The following ERLEC1 variants were observed in gnomAD, a reference collection of about 807,000 sequenced individuals.
ERLEC1 encodes endoplasmic reticulum lectin 1.
A neutral mutation model predicts 68.0 loss-of-function variants in ERLEC1; 47 were observed. The ratio of observed to expected loss-of-function variants is 0.69; its 90% confidence interval spans 0.55 to 0.88. The LOEUF (loss-of-function observed/expected upper bound fraction) is 0.88, where lower values mean the gene tolerates loss of function less well. Ranked by LOEUF, ERLEC1 falls within the 40% of genes least tolerant of loss-of-function variation. ERLEC1 has a pLI of 0.00. For missense variants in ERLEC1, 567 were observed against 583.8 expected, an observed-to-expected ratio of 0.97 and a Z score of 0.30; for synonymous variants, 225 against 203.2, an observed-to-expected ratio of 1.11 and a Z score of -0.91.
Position 53,787,128 on chromosome 2 carries a change from T to C in ERLEC1, c.-83T>C. On this transcript the variant is annotated 5_prime_UTR_variant, in exon 1 of 14. Transcript: ENST00000185150. ...CCGGGCGCTTTATAGTCCCGCCGCC[T>C]CCTCCTCCACCTCCTCCTCCTCCTC... The C allele has an allele frequency of 6.1e-4, 375 of 611,076 alleles. No homozygotes were observed. Among genetic ancestry groups the C allele is most frequent in the Non-Finnish European group, 7.4e-4 (302 of 408,204 alleles). The allele number at this position is 611,076 out of a possible 1,614,324, so 37.9% of individuals were successfully genotyped here. A position where few individuals can be genotyped will look rare whatever the true frequency, so the allele number is the denominator to read the frequency against.
chr2:53,809,338 GA>G (rs1442641498), intron 10 of ERLEC1, 65 bp downstream of exon 10: 37 of 1,066,006 alleles, frequency 3.5e-5, no homozygotes, highest in South Asian at 1.0e-4. Flanking sequence ...ATCTGTTGTA[GA>G]AAAAAAGGGG....
intron 1 of ERLEC1, among the ~76,000 whole-genome samples, chr2:53,789,065 A>C (rs1675240439): frequency 6.6e-6 from 1 of 152,056 alleles, no homozygotes; most frequent in Admixed American, 6.6e-5. Flanking sequence ...CATTTGCTAC[A>C]CCAACTTTTC....
In ERLEC1 at chr2:53,818,057, TTGGACCTCTTCTAAAGGATGG is replaced by T. The variant is rs1170442114; in HGVS notation, c.*90_*110del. The T allele has an allele frequency of 2.3e-5, 19 of 840,606 alleles. No homozygotes were observed. The highest frequency in any genetic ancestry group is 5.5e-5 in the Admixed American group (3 of 54,080). 52.1% of individuals were successfully genotyped at this position (840,606 alleles called of 1,614,324 possible). The stretch of plus-strand genomic sequence containing the variant: ...TGTCTCATTATAGAGTTCTCAGCCA[TTGGACCTCTTCTAAAGGATGG>T]TATAAAATGACTCTCAACCACTTTG... On this transcript the variant is annotated 3_prime_UTR_variant, in exon 14 of 14. Coordinates refer to ENST00000185150, the MANE Select transcript of ERLEC1 (RefSeq NM_015701.5).
chr2:53,818,163 G>T lies in ERLEC1; in HGVS notation c.*194G>T. ...AACTTCTGAGGCAGACATTTGTCTC[G>T]CTTTTTTTCATTTTTGTTGTGTCTT... On this transcript the variant is annotated 3_prime_UTR_variant, in exon 14 of 14. Coordinates refer to ENST00000185150, the MANE Select transcript of ERLEC1 (RefSeq NM_015701.5). 2.3e-6 allele frequency: 1 copy of T among 425,622 alleles called. No individual in the cohort carries two copies. Among genetic ancestry groups the T allele is most frequent in the Non-Finnish European group, 4.2e-6 (1 of 236,932 alleles). 26.4% of individuals were successfully genotyped at this position (425,622 alleles called of 1,614,324 possible).
chr2:53,814,751 T>C, intron 12 of ERLEC1, 109 bp from the exon 13 acceptor site: 1 of 978,540 alleles, frequency 1.0e-6, no homozygotes, highest in East Asian at 2.5e-5. Context: ...GATAAAATTA[T>C]ATTAAATCAT....
chr2:53,803,725 G>A (rs2542592), intron 8 of ERLEC1, among the ~76,000 whole-genome samples: 38,699 of 152,104 alleles, frequency 0.25, 5,430 homozygotes, highest in South Asian at 0.33. Context: ...CACTCAACCT[G>A]GGTAAAAAGA....
At chr2:53,797,872 A>ATT (rs150175603) in intron 5 of ERLEC1, 77 bp downstream of exon 5, 308 of 1,202,020 alleles carry the variant, frequency 2.6e-4, no homozygotes, top group Admixed American at 4.1e-4. Flanking sequence ...AATTTACGAG[A>ATT]TTTTTTTTTT....
chr2:53,813,165 A>C (rs1676683270), intron 11 of ERLEC1, 92 bp downstream of exon 11: 3 of 1,470,692 alleles, frequency 2.0e-6, no homozygotes, highest in African/African-American at 1.4e-5. Flanking sequence ...ACATTTAAGT[A>C]AAATCCCTGT....
intron 1 of ERLEC1, among the ~76,000 whole-genome samples, chr2:53,789,759 C>T (rs1380822431): frequency 2.0e-5 from 3 of 152,066 alleles, no homozygotes; most frequent in Non-Finnish European, 4.4e-5. Flanking sequence ...TGGCTGACGC[C>T]TATAATCCCA....
chr2:53,812,385 T>C (rs1013901429), intron 10 of ERLEC1, among the ~76,000 whole-genome samples: 1 of 151,994 alleles, frequency 6.6e-6, no homozygotes, highest in African/African-American at 2.4e-5. Context: ...GTTTAAAAAA[T>C]AATAAAAGCA....
At chr2:53,787,459 C>T (rs987482849) in intron 1 of ERLEC1, 87 bp downstream of exon 1, 3 of 1,461,904 alleles carry the variant, frequency 2.1e-6, no homozygotes, top group Non-Finnish European at 2.8e-6. Context: ...GCTTTTTCTC[C>T]CCAAGACCTT....
chr2:53,809,330 C>A, intron 10 of ERLEC1, 57 bp downstream of exon 10: 1 of 1,205,594 alleles, frequency 8.3e-7, no homozygotes, highest in South Asian at 1.6e-5. Flanking sequence ...GTTTAAGAAT[C>A]TGTTGTAGAA....
chr2:53,808,514 T>C, intron 9 of ERLEC1, 54 bp downstream of exon 9: 1 of 1,567,078 alleles, frequency 6.4e-7, no homozygotes, highest in Non-Finnish European at 8.7e-7. Context: ...ACCTGCCAGG[T>C]ATGGTCAGTG....
At chr2:53,811,381 G>A (rs534112581) in intron 10 of ERLEC1, among the ~76,000 whole-genome samples, 2 of 152,264 alleles carry the variant, frequency 1.3e-5, no homozygotes, top group Non-Finnish European at 2.9e-5. Context: ...TCTGCATACT[G>A]GAAAATTGCC....
At position 53,789,205 on chromosome 2, in the gene ERLEC1, C is replaced by A. The variant is rs374461085; in HGVS notation, c.162+1833C>A. ...GGTCAGGAATTCAAGACAAGCCTGACCAACGTGGTGAAACCCCATCTCTAC... is the reference window on the plus strand; with the variant it reads ...GGTCAGGAATTCAAGACAAGCCTGAACAACGTGGTGAAACCCCATCTCTAC... On this transcript the variant is annotated intron_variant, in intron 1 of 13. Coordinates refer to ENST00000185150, the MANE Select transcript of ERLEC1 (RefSeq NM_015701.5). Among the ~76,000 whole-genome samples, 10 of 151,916 alleles carry A rather than the reference C, an allele frequency of 6.6e-5. No individual in the cohort carries two copies. The South Asian group carries it at 1.5e-3, about 22-fold the overall frequency.
intron 13 of ERLEC1, among the ~76,000 whole-genome samples, chr2:53,816,216 G>A (rs989098011): frequency 2.0e-5 from 3 of 151,204 alleles, no homozygotes; most frequent in African/African-American, 4.9e-5. Context: ...AAGTAGCTGG[G>A]ACTACAAGCA....
chr2:53,808,606 G>T (rs749465158), intron 9 of ERLEC1, 146 bp downstream of exon 9: 1 of 741,534 alleles, frequency 1.3e-6, no homozygotes, highest in Non-Finnish European at 2.2e-6. Flanking sequence ...TCTTTTTGCA[G>T]TCTCATACCC....
Position 53,787,236 on chromosome 2 carries a change from G to A in ERLEC1, c.26G>A (p.Arg9Gln), listed in dbSNP as rs754798561. 5 of 1,605,584 alleles carry A rather than the reference G, an allele frequency of 3.1e-6. No individual in the cohort carries two copies. The Admixed American group carries it at 6.7e-5, about 21-fold the overall frequency. MEEGGGGV[R>Q]SLVPGGPVLL... is the part of the protein sequence containing the mutation. ...ATGGAGGAAGGAGGCGGCGGCGTAC[G>A]GAGTCTGGTCCCGGGCGGGCCGGTG... Residue 9 changes from arginine to glutamine, a missense_variant, in exon 1 of 14, where the codon CGG (arginine) becomes CAG (glutamine). Arg to Gln is a conservative substitution (Grantham distance 43). Transcript: ENST00000185150.
intron 1 of ERLEC1, among the ~76,000 whole-genome samples, chr2:53,792,090 A>C (rs564770551): frequency 6.6e-6 from 1 of 151,374 alleles, no homozygotes; most frequent in East Asian, 1.9e-4. Context: ...TTTTTTTTGT[A>C]TTTTTAGTAG....
Sources: allele counts gnomAD v4.1 joint callset (sites outside exome capture counted in the v4.1 genomes callset), GRCh38; gene constraint gnomAD v4.1.1; transcripts MANE v1.5; gene names NCBI Gene and HGNC (gene_info 2026-07-23, HGNC 2026-07-21).